The following FSIP1 variants were observed in gnomAD, a reference collection of about 807,000 sequenced individuals.
FSIP1 encodes the protein fibrous sheath-interacting protein 1.
A neutral mutation model predicts 60.9 loss-of-function variants in FSIP1; 65 were observed. The ratio of observed to expected loss-of-function variants is 1.07; its 90% CI spans 0.87 to 1.31. The LOEUF (loss-of-function observed/expected upper bound fraction) is 1.31. Among genes scored for constraint, FSIP1 ranks in the 40% most tolerant of loss-of-function variants. The pLI is 0.00. For missense variants in FSIP1, 675 were observed against 665.5 expected, an observed-to-expected ratio of 1.01 and a Z score of -0.16; for synonymous variants, 209 against 221.2, an observed-to-expected ratio of 0.94 and a Z score of 0.49.
At chr15:39,619,034 G>A (rs1299890291) in intron 10 of FSIP1, among the ~76,000 whole-genome samples, 2 of 152,100 alleles carry the variant, frequency 1.3e-5, no homozygotes, top group African/African-American at 2.4e-5. Flanking sequence ...CTTTACAGGG[G>A]GATGAATTAT....
At chr15:39,748,518 T>C (rs1441463178) in intron 5 of FSIP1, among the ~76,000 whole-genome samples, 1 of 152,176 alleles carries the variant, frequency 6.6e-6, no homozygotes, top group East Asian at 1.9e-4. Context: ...GCCCCTGGCA[T>C]AGTGGCATAA....
intron 8 of FSIP1, among the ~76,000 whole-genome samples, chr15:39,732,357 C>A (rs557653455): frequency 6.6e-6 from 1 of 152,278 alleles, no homozygotes; most frequent in African/African-American, 2.4e-5. Flanking sequence ...TGGTGCCTCA[C>A]GCCTGTAATC....
At chr15:39,695,453 T>G (rs966013061) in intron 10 of FSIP1, among the ~76,000 whole-genome samples, 3 of 152,008 alleles carry the variant, frequency 2.0e-5, no homozygotes, top group African/African-American at 7.3e-5. Flanking sequence ...AGCCTTTAAA[T>G]TATTGTTTAT....
At chr15:39,724,610 C>A (rs1191191617) in intron 9 of FSIP1, among the ~76,000 whole-genome samples, 4 of 152,162 alleles carry the variant, frequency 2.6e-5, no homozygotes. Flanking sequence ...AATTCTCTGT[C>A]TCTTTTAAGA....
At position 39,632,444 on chromosome 15, in the gene FSIP1, G is replaced by A. The variant is rs558551787; in HGVS notation, c.1189-14199C>T. On this transcript the variant is annotated intron_variant, in intron 10 of 11. Coordinates refer to ENST00000350221, the MANE Select transcript of FSIP1 (RefSeq NM_152597.5). Reference sequence around the variant, plus strand: ...CCTCCCACCTCAGCCTCTCCAAAGTGCTGGGATTACAGGCGTGAGCCACTG... The same window carrying A: ...CCTCCCACCTCAGCCTCTCCAAAGTACTGGGATTACAGGCGTGAGCCACTG... 2.0e-5 allele frequency among the ~76,000 whole-genome samples: 3 copies of A among 152,242 alleles called. No homozygotes were observed. In the South Asian group the frequency reaches 6.2e-4, roughly 32 times the overall value.
intron 11 of FSIP1, among the ~76,000 whole-genome samples, chr15:39,607,337 C>T (rs1777344281): frequency 6.6e-6 from 1 of 152,188 alleles, no homozygotes; most frequent in Admixed American, 6.5e-5. Flanking sequence ...TGTCTGGCTG[C>T]CCACCCGGAT....
At chr15:39,754,940 C>T (rs1251031221) in intron 5 of FSIP1, among the ~76,000 whole-genome samples, 1 of 151,950 alleles carries the variant, frequency 6.6e-6, no homozygotes, top group Admixed American at 6.6e-5. Context: ...AAAATACAGA[C>T]ACTGAAAAGT....
intron 10 of FSIP1, among the ~76,000 whole-genome samples, chr15:39,661,397 T>C (rs1223132855): frequency 6.6e-6 from 1 of 152,262 alleles, no homozygotes; most frequent in Non-Finnish European, 1.5e-5. Context: ...GCTTAGCTAA[T>C]GTAAAAGTTT....
At chr15:39,709,962 T>C (rs1183612164) in intron 10 of FSIP1, among the ~76,000 whole-genome samples, 1 of 152,140 alleles carries the variant, frequency 6.6e-6, no homozygotes, top group Non-Finnish European at 1.5e-5. Flanking sequence ...TAAGAAACTA[T>C]GTAATTTATT....
In FSIP1 at chr15:39,610,178, C is replaced by T. The variant is rs143399984; in HGVS notation, c.1699+7557G>A. ...AGAAAGCCTACATAAATCTATGGGACACCATCAAGAAAACTAACTTTCTTA... is the reference window on the plus strand; with the variant it reads ...AGAAAGCCTACATAAATCTATGGGATACCATCAAGAAAACTAACTTTCTTA... On this transcript the variant is annotated intron_variant, in intron 11 of 11. Coordinates refer to ENST00000350221, the MANE Select transcript of FSIP1 (RefSeq NM_152597.5). Among the ~76,000 whole-genome samples, 420 of 152,130 alleles carry T rather than the reference C, an allele frequency of 2.8e-3. 4 individuals carry two copies. Among genetic ancestry groups the T allele is most frequent in the Middle Eastern group, 6.8e-3 (2 of 294 alleles).
chr15:39,717,190 A>G (rs1172857458), intron 9 of FSIP1, among the ~76,000 whole-genome samples: 2 of 152,230 alleles, frequency 1.3e-5, no homozygotes, highest in African/African-American at 4.8e-5. Context: ...TCAAAAAGAA[A>G]TTAAAATATA....
chr15:39,769,050 C>A (rs889145716), intron 3 of FSIP1, among the ~76,000 whole-genome samples: 1 of 152,078 alleles, frequency 6.6e-6, no homozygotes, highest in African/African-American at 2.4e-5. Context: ...GAGGCCGAGG[C>A]GGGCAGATCA....
intron 10 of FSIP1, among the ~76,000 whole-genome samples, chr15:39,645,541 T>C (rs1414146856): frequency 1.3e-5 from 2 of 152,044 alleles, no homozygotes; most frequent in East Asian, 1.9e-4. Context: ...TCTGCCCTCC[T>C]GGGTGCAGCT....
In FSIP1 at chr15:39,607,663, G is replaced by A. The variant is rs572408072; in HGVS notation, c.1700-6737C>T. 6.6e-5 allele frequency among the ~76,000 whole-genome samples: 10 copies of A among 152,286 alleles called. No individual in the cohort carries two copies. The South Asian group carries it at 2.1e-3, about 32-fold the overall frequency. On this transcript the variant is annotated intron_variant, in intron 11 of 11. Coordinates refer to ENST00000350221, the MANE Select transcript of FSIP1 (RefSeq NM_152597.5). ...TACCACCATTTAAATTGGTCTTCAA[G>A]GTCACTGAGTTTGGTTTTAGTTTTG...
intron 10 of FSIP1, among the ~76,000 whole-genome samples, chr15:39,694,869 T>C (rs983222938): frequency 1.3e-5 from 2 of 152,094 alleles, no homozygotes; most frequent in African/African-American, 4.8e-5. Flanking sequence ...AAGGCATTTT[T>C]AGTCAACTAG....
At chr15:39,685,201 C>A (rs1470495735) in intron 10 of FSIP1, among the ~76,000 whole-genome samples, 4 of 152,228 alleles carry the variant, frequency 2.6e-5, no homozygotes, top group Admixed American at 2.6e-4. Flanking sequence ...TTCTGAAGAG[C>A]CCTCCTGAAC....
intron 10 of FSIP1, among the ~76,000 whole-genome samples, chr15:39,663,225 G>A (rs755616790): frequency 4.0e-5 from 6 of 151,808 alleles, no homozygotes; most frequent in Admixed American, 6.6e-5. Context: ...AACGAGTAGC[G>A]CACATTATTA....
chr15:39,701,159 A>C (rs192479342), intron 10 of FSIP1, among the ~76,000 whole-genome samples: 1 of 152,148 alleles, frequency 6.6e-6, no homozygotes, highest in Non-Finnish European at 1.5e-5. Flanking sequence ...CTTAAAAAAA[A>C]TTTTTTAATG....
At chr15:39,650,227 T>C (rs1892809645) in intron 10 of FSIP1, among the ~76,000 whole-genome samples, 2 of 152,246 alleles carry the variant, frequency 1.3e-5, no homozygotes, top group African/African-American at 4.8e-5. Flanking sequence ...AAGAGGGTTA[T>C]ATAATATTCA....
Sources: gnomAD v4.1 joint callset for allele counts (sites outside exome capture counted in the v4.1 genomes callset) on GRCh38, gnomAD v4.1.1 for gene constraint, MANE v1.5 for transcripts, NCBI Gene and HGNC (gene_info 2026-07-23, HGNC 2026-07-21) for gene names.